Variants in CCL22 observed in about 807,000 individuals in gnomAD.
CCL22 encodes C-C motif chemokine 22.
Under a neutral mutation model 7.6 loss-of-function variants are expected in CCL22, and 7 were observed. The observed-to-expected ratio is 0.92, with a 90% CI of 0.52 to 1.72. CCL22 has a LOEUF of 1.72. Ranked by LOEUF, CCL22 falls within the 40% of genes most tolerant of loss-of-function variation. The probability of loss-of-function intolerance (pLI) is 0.00; values close to 1 mark genes in which losing one functional copy is unlikely to be tolerated. For synonymous variants in CCL22, 55 were observed against 47.2 expected (o/e 1.17, Z -0.68); for missense variants, 115 against 124.7 (o/e 0.92, Z 0.37).
Position 57,360,507 on chromosome 16 carries a change from C to G in CCL22, c.144C>G (p.Arg48=). 6.2e-7 allele frequency: 1 copy of G among 1,614,206 alleles called. No individual in the cohort carries two copies. Among genetic ancestry groups the G allele is most frequent in the Admixed American group, 1.7e-5 (1 of 60,032 alleles). ...ACGTCCGTTACCGTCTGCCCCTGCG[C>G]GTGGTGAAACACTTCTACTGGACCT... is the stretch of plus-strand genomic sequence containing the variant. ...RDYVRYRLPL[R]VVKHFYWTSD... Residue 48 remains arginine, a synonymous_variant, in exon 2 of 3, where the codon CGC becomes CGG. Coordinates refer to ENST00000219235, the MANE Select transcript of CCL22 (RefSeq NM_002990.5).
At chr16:57,360,359 G>A (rs2146496632) in intron 1 of CCL22, 78 bp from the exon 2 acceptor site, 1 of 1,565,068 alleles carries the variant, frequency 6.4e-7, no homozygotes, top group Admixed American at 1.7e-5. Context: ...AGCCTGGAGA[G>A]GCCGAGATCA....
chr16:57,362,892 A>G lies in CCL22; in HGVS notation c.198-612A>G, dbSNP rs971293671. Among the ~76,000 whole-genome samples, 28 of 151,864 alleles carry G rather than the reference A, an allele frequency of 1.8e-4. 1 individual carries two copies. In the Middle Eastern group the frequency reaches 0.01, roughly 55 times the overall value. On this transcript the variant is annotated intron_variant, in intron 2 of 2. Transcript: ENST00000219235. ...AACAAAACAAAACAAAACAAAAACAAAAACAAAACCCAACTCTTGGGGATT... is the reference window on the plus strand; with the variant it reads ...AACAAAACAAAACAAAACAAAAACAGAAACAAAACCCAACTCTTGGGGATT...
In CCL22 at chr16:57,365,803, T is replaced by A. The variant is rs1390212501; in HGVS notation, c.*2215T>A. ...AAGTATGGGACAGCAGTGTCCCAGG[T>A]AAAGGACATAAATGTTACAAGTGTC... On this transcript the variant is annotated 3_prime_UTR_variant, in exon 3 of 3. Coordinates refer to ENST00000219235, the MANE Select transcript of CCL22 (RefSeq NM_002990.5). 1.3e-5 allele frequency: 2 copies of A among 152,270 alleles called. No individual in the cohort carries two copies. Among genetic ancestry groups the A allele is most frequent in the African/African-American group, 4.8e-5 (2 of 41,450 alleles). 9.4% of individuals were successfully genotyped at this position (152,270 alleles called of 1,614,324 possible). A position where few individuals can be genotyped will look rare whatever the true frequency, so the allele number is the denominator to read the frequency against.
chr16:57,361,512 G>C (rs1902050187), intron 2 of CCL22, among the ~76,000 whole-genome samples: 1 of 152,186 alleles, frequency 6.6e-6, no homozygotes, highest in South Asian at 2.1e-4. Context: ...AAGGGACAGT[G>C]ACCTGCTCAA....
intron 2 of CCL22, among the ~76,000 whole-genome samples, chr16:57,362,587 G>A (rs1005605882): frequency 2.0e-4 from 31 of 152,110 alleles, no homozygotes; most frequent in African/African-American, 7.0e-4. Context: ...CTGGCTTGGC[G>A]CAGTGGCTCA....
chr16:57,360,266 C>G (rs1341179890), intron 1 of CCL22, among the ~76,000 whole-genome samples, 171 bp from the exon 2 acceptor site: 1 of 152,192 alleles, frequency 6.6e-6, no homozygotes, highest in Non-Finnish European at 1.5e-5. Context: ...TCAGAAGCTC[C>G]AAGGGTAGGG....
chr16:57,366,084 T>C lies in CCL22; in HGVS notation c.*2496T>C, dbSNP rs1179737347. 1.3e-5 allele frequency: 2 copies of C among 152,420 alleles called. No individual in the cohort carries two copies. Among genetic ancestry groups the C allele is most frequent in the Non-Finnish European group, 2.9e-5 (2 of 68,172 alleles). 9.4% of individuals were successfully genotyped at this position (152,420 alleles called of 1,614,324 possible). On this transcript the variant is annotated 3_prime_UTR_variant, in exon 3 of 3. Coordinates refer to ENST00000219235, the MANE Select transcript of CCL22 (RefSeq NM_002990.5). ...ACCACAGGCACTAGAAGGACGAATCTGCCTACTGCCCATGAACGGGGCCCT... is the reference window on the plus strand; with the variant it reads ...ACCACAGGCACTAGAAGGACGAATCCGCCTACTGCCCATGAACGGGGCCCT...
In CCL22 at chr16:57,363,742, G is replaced by C. The variant is rs547490406; in HGVS notation, c.*154G>C. 9 of 619,194 alleles carry C rather than the reference G, an allele frequency of 1.5e-5. No individual in the cohort carries two copies. The African/African-American group carries it at 1.6e-4, about 11-fold the overall frequency. The allele number at this position is 619,194 out of a possible 1,614,324, so 38.4% of individuals were successfully genotyped here. On this transcript the variant is annotated 3_prime_UTR_variant, in exon 3 of 3. Coordinates refer to ENST00000219235, the MANE Select transcript of CCL22 (RefSeq NM_002990.5). ...GTGGCTGTCACCCTTGGTCACCTCC[G>C]TGCTGTCACTGCCATCTCCCCCCTG...
chr16:57,357,920 G>A (rs1385230666), upstream of CCL22, among the ~76,000 whole-genome samples: 7 of 152,158 alleles, frequency 4.6e-5, no homozygotes, highest in African/African-American at 9.7e-5. Flanking sequence ...AGGAGCCCGG[G>A]ACCTGCCTTT....
chr16:57,358,793 G>A lies in CCL22; in HGVS notation c.-24G>A, dbSNP rs781479887. The A allele has an allele frequency of 1.9e-6, 3 of 1,586,374 alleles. No homozygotes were observed. The East Asian group carries it at 6.7e-5, about 35-fold the overall frequency. On this transcript the variant is annotated 5_prime_UTR_variant, in exon 1 of 3. Coordinates refer to ENST00000219235, the MANE Select transcript of CCL22 (RefSeq NM_002990.5). Reference sequence around the variant, plus strand: ...TTCCTATGTCCCTTTGCAGACACCTGGGCTGAGACATACAGGACAGAGCAT... The same window carrying A: ...TTCCTATGTCCCTTTGCAGACACCTAGGCTGAGACATACAGGACAGAGCAT...
chr16:57,360,297 T>C, intron 1 of CCL22, 140 bp from the exon 2 acceptor site: 1 of 1,053,526 alleles, frequency 9.5e-7, no homozygotes, highest in Non-Finnish European at 1.4e-6. Context: ...CTCAGAATCC[T>C]CTGGTCACCA....
rs1235332901 is a variant in CCL22 at position 57,366,173 on chromosome 16, T to A, written c.*2585T>A. On this transcript the variant is annotated 3_prime_UTR_variant, in exon 3 of 3. Transcript: ENST00000219235. ...CTTGCCCCTCAGGACTGCTGGAAAA[T>A]AAATCCTTTAAAATAGTGTCTGCTT... The A allele has an allele frequency of 6.6e-6, 1 of 152,428 alleles. No individual in the cohort carries two copies. The highest frequency in any genetic ancestry group is 1.5e-5 in the Non-Finnish European group (1 of 68,204). 9.4% of individuals were successfully genotyped at this position (152,428 alleles called of 1,614,324 possible).
Position 57,363,670 on chromosome 16 carries a change from C to G in CCL22, c.*82C>G. On this transcript the variant is annotated 3_prime_UTR_variant, in exon 3 of 3. Coordinates refer to ENST00000219235, the MANE Select transcript of CCL22 (RefSeq NM_002990.5). ...CCTCCCTGCCATTATAGCTGCTCCC[C>G]GCCAGAAGCCTGTGCCAACTCTCTG... 1 of 840,692 alleles carries G rather than the reference C, an allele frequency of 1.2e-6. No individual in the cohort carries two copies. Among genetic ancestry groups the G allele is most frequent in the East Asian group, 2.5e-5 (1 of 40,250 alleles). 52.1% of individuals were successfully genotyped at this position (840,692 alleles called of 1,614,324 possible).
At chr16:57,361,202 T>C (rs1902045234) in intron 2 of CCL22, among the ~76,000 whole-genome samples, 1 of 144,716 alleles carries the variant, frequency 6.9e-6, no homozygotes, top group Non-Finnish European at 1.5e-5. Context: ...GAGGTTGCAG[T>C]GAGCCGAGAT....
rs371015520 is a variant in CCL22 at position 57,364,635 on chromosome 16, C to G, written c.*1047C>G. ...CTGGGATTACAGGTTCCTGCTACCA[C>G]GCCCAGCTAATTTTTGTATTTTTAG... On this transcript the variant is annotated 3_prime_UTR_variant, in exon 3 of 3. Coordinates refer to ENST00000219235, the MANE Select transcript of CCL22 (RefSeq NM_002990.5). 3.9e-5 allele frequency: 6 copies of G among 151,940 alleles called. No homozygotes were observed. The highest frequency in any genetic ancestry group is 1.5e-4 in the African/African-American group (6 of 41,338). The allele number at this position is 151,940 out of a possible 1,614,324, so 9.4% of individuals were successfully genotyped here. A position where few individuals can be genotyped will look rare whatever the true frequency, so the allele number is the denominator to read the frequency against.
In CCL22 at chr16:57,360,504, G is replaced by A. The variant is rs1395902208; in HGVS notation, c.141G>A (p.Leu47=). The change falls in exon 2 of 3, where the codon CTG becomes CTA. Residue 47 remains leucine (L), a synonymous_variant. Coordinates refer to ENST00000219235, the MANE Select transcript of CCL22 (RefSeq NM_002990.5). The stretch of plus-strand genomic sequence containing the variant: ...ATTACGTCCGTTACCGTCTGCCCCT[G>A]CGCGTGGTGAAACACTTCTACTGGA... ...CRDYVRYRLP[L]RVVKHFYWTS... is the part of the protein sequence containing the mutation. The A allele has an allele frequency of 1.2e-6, 2 of 1,614,108 alleles. No individual in the cohort carries two copies. Among genetic ancestry groups the A allele is most frequent in the Non-Finnish European group, 1.7e-6 (2 of 1,180,042 alleles).
chr16:57,358,427 AG>A (rs1192365767), upstream of CCL22, among the ~76,000 whole-genome samples: 1 of 152,230 alleles, frequency 6.6e-6, no homozygotes, highest in Non-Finnish European at 1.5e-5. Flanking sequence ...CAACCAGTGA[AG>A]TCAACAGAGC....
chr16:57,365,422 G>A lies in CCL22; in HGVS notation c.*1834G>A, dbSNP rs1902098121. ...AATGGAAGAATTTTAGGAACTGTGA[G>A]AGGGGGACAAGGTGGAGCTTTCCTG... On this transcript the variant is annotated 3_prime_UTR_variant, in exon 3 of 3. Transcript: ENST00000219235. The A allele has an allele frequency of 6.6e-6, 1 of 152,294 alleles. No individual in the cohort carries two copies. The allele number at this position is 152,294 out of a possible 1,614,324, so 9.4% of individuals were successfully genotyped here. A position where few individuals can be genotyped will look rare whatever the true frequency, so the allele number is the denominator to read the frequency against.
At position 57,359,362 on chromosome 16, in the gene CCL22, A is replaced by G. The variant is rs185957932; in HGVS notation, c.73+473A>G. 1.6e-3 allele frequency among the ~76,000 whole-genome samples: 238 copies of G among 151,866 alleles called. 2 individuals carry two copies. Among genetic ancestry groups the G allele is most frequent in the African/African-American group, 5.4e-3 (223 of 41,390 alleles). ...CACAGTTTCACTCTTGTTGCCCAGG[A>G]TGGAGTGCAGTGGGGCAATCTTGGC... is the stretch of plus-strand genomic sequence containing the variant. On this transcript the variant is annotated intron_variant, in intron 1 of 2. Transcript: ENST00000219235.
Sources: allele counts gnomAD v4.1 joint callset (sites outside exome capture counted in the v4.1 genomes callset), GRCh38; gene constraint gnomAD v4.1.1; transcripts MANE v1.5; gene names NCBI Gene and HGNC (gene_info 2026-07-23, HGNC 2026-07-21).